The following SHC3 variants were observed in gnomAD, a reference collection of about 807,000 sequenced individuals.
SHC3 encodes the protein SHC-transforming protein 3.
In SHC3, 15 loss-of-function variants were observed where a neutral mutation model predicts 60.4. That is an observed-to-expected ratio of 0.25 (90% CI 0.17 to 0.38). The LOEUF (loss-of-function observed/expected upper bound fraction) is 0.38. Among genes scored for constraint, SHC3 ranks in the 10% least tolerant of loss-of-function variants. The probability of loss-of-function intolerance (pLI) is 1.00; values close to 1 mark genes in which losing one functional copy is unlikely to be tolerated. For synonymous variants in SHC3, 294 were observed against 325.9 expected (o/e 0.90, Z 1.05); for missense variants, 677 against 786.1 (o/e 0.86, Z 1.66).
chr9:89,098,847 C>A (rs2118077408), intron 2 of SHC3, among the ~76,000 whole-genome samples: 1 of 152,076 alleles, frequency 6.6e-6, no homozygotes, highest in African/African-American at 2.4e-5. Flanking sequence ...TGGTGGACAC[C>A]TGTAATCTCA....
intron 2 of SHC3, chr9:89,109,522 G>A: frequency 1.0e-6 from 1 of 985,516 alleles, no homozygotes; most frequent in Non-Finnish European, 1.2e-6. Context: ...AATGTTGGAA[G>A]CCAGAAGTGA....
At chr9:89,029,569 G>A (rs1262656140) in intron 11 of SHC3, among the ~76,000 whole-genome samples, 1 of 152,140 alleles carries the variant, frequency 6.6e-6, no homozygotes, top group African/African-American at 2.4e-5. Flanking sequence ...TGAAAGCCAA[G>A]AAAGAGGAAG....
intron 2 of SHC3, among the ~76,000 whole-genome samples, chr9:89,099,794 G>A (rs551854515): frequency 3.3e-5 from 5 of 152,190 alleles, no homozygotes; most frequent in Non-Finnish European, 7.3e-5. Flanking sequence ...GGTGCATCTT[G>A]GAATTAAAAT....
intron 1 of SHC3, among the ~76,000 whole-genome samples, chr9:89,133,870 C>A (rs1826283941): frequency 6.6e-6 from 1 of 152,070 alleles, no homozygotes; most frequent in South Asian, 2.1e-4. Context: ...TGTAACAAAC[C>A]TGCATGTTAT....
At chr9:89,037,509 T>C in intron 11 of SHC3, 1 of 716,438 alleles carries the variant, frequency 1.4e-6, no homozygotes, top group East Asian at 2.7e-5. Flanking sequence ...ATGGCCAACA[T>C]CAGTAGGAGT....
intron 11 of SHC3, among the ~76,000 whole-genome samples, chr9:89,032,004 C>T (rs1824500246): frequency 6.6e-6 from 1 of 152,254 alleles, no homozygotes; most frequent in South Asian, 2.1e-4. Context: ...CCTTTGAGCT[C>T]CCGTGTTGAG....
chr9:89,027,473 C>T (rs1826336431), intron 11 of SHC3, among the ~76,000 whole-genome samples: 1 of 151,990 alleles, frequency 6.6e-6, no homozygotes, highest in Non-Finnish European at 1.5e-5. Context: ...CCTGCCACCT[C>T]ACCCGGCTAA....
intron 2 of SHC3, among the ~76,000 whole-genome samples, chr9:89,111,645 A>G (rs141461642): frequency 2.6e-4 from 40 of 152,060 alleles, no homozygotes; most frequent in African/African-American, 9.6e-4. Flanking sequence ...AGGAAGAGGT[A>G]TTATTATGGT....
rs115298221 is a variant in SHC3 at position 89,109,410 on chromosome 9, C to T, written c.545+3146G>A. On this transcript the variant is annotated intron_variant, in intron 2 of 11. Coordinates refer to ENST00000375835, the MANE Select transcript of SHC3 (RefSeq NM_016848.6). Reference sequence around the variant, plus strand: ...ACAGAATACATACATAGAGTTGGGACGGAATGTACATGGATAAGGGTGCTC... The same window carrying T: ...ACAGAATACATACATAGAGTTGGGATGGAATGTACATGGATAAGGGTGCTC... 2.3e-3 allele frequency: 2,273 copies of T among 983,498 alleles called. 41 individuals are homozygous for T. The African/African-American group carries it at 0.036, about 16-fold the overall frequency. 60.9% of individuals were successfully genotyped at this position (983,498 alleles called of 1,614,324 possible).
At chr9:89,072,392 C>G (rs533025551) in intron 4 of SHC3, among the ~76,000 whole-genome samples, 6 of 152,268 alleles carry the variant, frequency 3.9e-5, no homozygotes, top group African/African-American at 1.4e-4. Flanking sequence ...ACACTGAGGT[C>G]TCTGACACAG....
At chr9:89,130,379 A>G (rs1475398864) in intron 1 of SHC3, among the ~76,000 whole-genome samples, 2 of 152,226 alleles carry the variant, frequency 1.3e-5, no homozygotes, top group African/African-American at 2.4e-5. Context: ...TAACAAGGAT[A>G]TCCAGGAATT....
intron 4 of SHC3, among the ~76,000 whole-genome samples, chr9:89,072,336 C>T (rs1460747922): frequency 2.6e-5 from 4 of 152,148 alleles, no homozygotes; most frequent in Non-Finnish European, 5.9e-5. Flanking sequence ...ATCTGTCTCA[C>T]CCACACACCA....
chr9:89,057,570 T>C (rs1564106912), intron 6 of SHC3, among the ~76,000 whole-genome samples: 1 of 152,100 alleles, frequency 6.6e-6, no homozygotes, highest in East Asian at 1.9e-4. Context: ...GTTGAGGATG[T>C]CCAAAACAGT....
intron 1 of SHC3, among the ~76,000 whole-genome samples, chr9:89,155,227 T>A (rs1233794156): frequency 6.6e-6 from 1 of 152,126 alleles, no homozygotes; most frequent in Non-Finnish European, 1.5e-5. Context: ...GGCCCCAGAC[T>A]CAATACAAGC....
At chr9:89,039,155 C>T (rs923267122) in intron 10 of SHC3, among the ~76,000 whole-genome samples, 1 of 152,204 alleles carries the variant, frequency 6.6e-6, no homozygotes, top group Non-Finnish European at 1.5e-5. Context: ...ACGCTGTCTA[C>T]CCATAAGCAT....
At position 89,162,096 on chromosome 9, in the gene SHC3, T is replaced by C. The variant is rs1293455037; in HGVS notation, c.474+15891A>G. On this transcript the variant is annotated intron_variant, in intron 1 of 11. Transcript: ENST00000375835. ...CACTGCTCAAGGAAATAAAAGAGGA[T>C]ACAAACAAATGGAAGAACATTCCAT... Among the ~76,000 whole-genome samples, 5 of 142,708 alleles carry C rather than the reference T, an allele frequency of 3.5e-5. No homozygotes were observed. In the South Asian group the frequency reaches 9.1e-4, roughly 26 times the overall value. 93.6% of individuals were successfully genotyped at this position (142,708 alleles called of 152,430 possible).
At chr9:89,077,786 A>G (rs1825382714) in intron 3 of SHC3, 54 bp downstream of exon 3, 4 of 1,601,588 alleles carry the variant, frequency 2.5e-6, no homozygotes, top group Non-Finnish European at 3.4e-6. Flanking sequence ...ACCGAGTGGC[A>G]AAAAAGAGGA....
At chr9:89,020,390 G>T (rs1826179279) in intron 11 of SHC3, among the ~76,000 whole-genome samples, 1 of 152,104 alleles carries the variant, frequency 6.6e-6, no homozygotes, top group African/African-American at 2.4e-5. Context: ...GGGTGTGGGG[G>T]CCTCTGTGGT....
At chr9:89,054,083 G>A (rs539603301) in intron 6 of SHC3, among the ~76,000 whole-genome samples, 1 of 152,242 alleles carries the variant, frequency 6.6e-6, no homozygotes, top group South Asian at 2.1e-4. Flanking sequence ...GATGAAGAAC[G>A]AAGAATACGA....
Sources: allele counts gnomAD v4.1 joint callset (sites outside exome capture counted in the v4.1 genomes callset), GRCh38; gene constraint gnomAD v4.1.1; transcripts MANE v1.5; gene names NCBI Gene and HGNC (gene_info 2026-07-23, HGNC 2026-07-21).